MCU: variants seen among roughly 807,000 people sequenced by gnomAD.
The protein encoded by MCU is calcium uniporter protein, mitochondrial.
MCU carries 12 observed loss-of-function variants against 45.2 expected under a neutral mutation model. That is an observed-to-expected ratio of 0.27 (90% CI 0.17 to 0.43). MCU has a LOEUF of 0.43. Among genes scored for constraint, MCU ranks in the 20% least tolerant of loss-of-function variants. MCU has a pLI of 1.00. For missense variants in MCU, 324 were observed against 436.7 expected (o/e 0.74, Z 2.30); for synonymous variants, 160 against 165.1 (o/e 0.97, Z 0.24).
At chr10:72,822,585 T>C (rs1844730015) in intron 1 of MCU, among the ~76,000 whole-genome samples, 1 of 152,172 alleles carries the variant, frequency 6.6e-6, no homozygotes, top group East Asian at 1.9e-4. Context: ...TCAGTAAGCA[T>C]ATGAAAAGAT....
chr10:72,756,884 C>G (rs1455829951), intron 1 of MCU: 2 of 151,590 alleles, frequency 1.3e-5, no homozygotes, highest in Non-Finnish European at 2.9e-5. Flanking sequence ...GTAAAAGAAC[C>G]ATGTGAAGCT....
intron 1 of MCU, chr10:72,731,137 C>T (rs572009020): frequency 4.6e-5 from 7 of 152,272 alleles, no homozygotes; most frequent in African/African-American, 1.7e-4. Flanking sequence ...TGTGGTCTCA[C>T]TATATTGCCC....
chr10:72,843,445 G>A (rs1219503007), intron 2 of MCU, among the ~76,000 whole-genome samples: 2 of 152,122 alleles, frequency 1.3e-5, no homozygotes, highest in African/African-American at 4.8e-5. Context: ...CACTTAGTAA[G>A]ATACATTTAA....
chr10:72,767,468 A>G (rs934991475), intron 1 of MCU, among the ~76,000 whole-genome samples: 9 of 152,144 alleles, frequency 5.9e-5, no homozygotes, highest in Admixed American at 2.6e-4. Flanking sequence ...AAATAGGTTC[A>G]TTTCAGCTCT....
intron 2 of MCU, among the ~76,000 whole-genome samples, chr10:72,849,912 T>C (rs1174459734): frequency 1.7e-5 from 2 of 114,906 alleles, no homozygotes; most frequent in African/African-American, 6.2e-5. Context: ...GTATTATCTT[T>C]TTCTTTTTTT....
chr10:72,871,481 C>A lies in MCU; in HGVS notation c.762C>A (p.Thr254=). The A allele has an allele frequency of 6.2e-7, 1 of 1,614,202 alleles. No homozygotes were observed. Among genetic ancestry groups the A allele is most frequent in the Non-Finnish European group, 8.5e-7 (1 of 1,180,032 alleles). The stretch of plus-strand genomic sequence containing the variant: ...AGTTTGGCATTTTGGCCCGGCTTAC[C>A]TGGTGGGAATATTCCTGGGACATCA... The part of the protein sequence containing the change: ...ATQFGILARL[T]WWEYSWDIME... The change falls in exon 6 of 8, where the codon ACC becomes ACA. Residue 254 remains threonine (T), a synonymous_variant. Coordinates refer to ENST00000373053, the MANE Select transcript of MCU (RefSeq NM_138357.3).
chr10:72,808,832 C>T (rs945967761), intron 1 of MCU, among the ~76,000 whole-genome samples: 1 of 152,088 alleles, frequency 6.6e-6, no homozygotes, highest in East Asian at 1.9e-4. Flanking sequence ...AGCCAGATCT[C>T]GTGAGAACTC....
intron 7 of MCU, 141 bp downstream of exon 7, chr10:72,884,523 A>T (rs1283968669): frequency 3.4e-6 from 2 of 583,728 alleles, no homozygotes; most frequent in African/African-American, 1.9e-5. Context: ...TCCTCAGTTG[A>T]TTACAGTAAC....
At chr10:72,842,808 T>C (rs963965517) in intron 2 of MCU, among the ~76,000 whole-genome samples, 29 of 150,776 alleles carry the variant, frequency 1.9e-4, no homozygotes, top group African/African-American at 7.0e-4. Context: ...AATAATTGCA[T>C]TGGAATAAAA....
intron 1 of MCU, among the ~76,000 whole-genome samples, chr10:72,804,825 G>T (rs1844405672): frequency 6.6e-6 from 1 of 152,244 alleles, no homozygotes; most frequent in Non-Finnish European, 1.5e-5. Context: ...TTGGCTGTGT[G>T]CAGTGGTGTG....
intron 1 of MCU, among the ~76,000 whole-genome samples, chr10:72,788,639 C>A (rs1844112993): frequency 6.6e-6 from 1 of 152,096 alleles, no homozygotes; most frequent in Non-Finnish European, 1.5e-5. Flanking sequence ...GAGACCCTGT[C>A]TAAAAAAACA....
intron 1 of MCU, among the ~76,000 whole-genome samples, chr10:72,743,306 G>A (rs536950202): frequency 2.6e-5 from 4 of 151,442 alleles, no homozygotes; most frequent in East Asian, 1.9e-4. Flanking sequence ...CCAGCTACTC[G>A]GGAGGCTGAG....
At chr10:72,843,036 C>G (rs1172848519) in intron 2 of MCU, among the ~76,000 whole-genome samples, 5 of 151,990 alleles carry the variant, frequency 3.3e-5, no homozygotes, top group Admixed American at 1.3e-4. Flanking sequence ...GTTCACATCC[C>G]AAATGAGAGA....
rs2132722731 is a variant in MCU, at chr10:72,760,974, A to G, written c.150+68673A>G. ...AGAAGCTTTTAAATTATGTCCTGAT[A>G]CCTTCTGTTTCTTCTAGTTGTACTG... On this transcript the variant is annotated intron_variant, in intron 1 of 7. Transcript: ENST00000373053. 1.3e-5 allele frequency among the ~76,000 whole-genome samples: 2 copies of G among 152,216 alleles called. 1 individual carries two copies.
At chr10:72,818,638 G>A (rs935373887) in intron 1 of MCU, among the ~76,000 whole-genome samples, 5 of 151,996 alleles carry the variant, frequency 3.3e-5, no homozygotes, top group African/African-American at 1.2e-4. Context: ...TCAGGAGTTC[G>A]AGACCAGCCT....
At chr10:72,780,552 T>TGTGTGTG (rs770728826) in intron 1 of MCU, among the ~76,000 whole-genome samples, 11 of 20,314 alleles carry the variant, frequency 5.4e-4, no homozygotes, top group South Asian at 2.6e-3. Flanking sequence ...GTGTGTGTGT[T>TGTGTGTG]GGGTGAATTT....
intron 4 of MCU, chr10:72,861,718 A>T (rs1429712726): frequency 5.4e-6 from 2 of 367,764 alleles, no homozygotes; most frequent in Non-Finnish European, 1.0e-5. Flanking sequence ...AATGGTTTTG[A>T]ACTCCTGACC....
intron 1 of MCU, chr10:72,736,574 A>G (rs1232668028): frequency 6.6e-6 from 1 of 152,200 alleles, no homozygotes; most frequent in African/African-American, 2.4e-5. Context: ...CATCCTGGGT[A>G]TGTTTAGGAT....
intron 1 of MCU, among the ~76,000 whole-genome samples, chr10:72,806,462 A>T (rs1844453235): frequency 6.6e-6 from 1 of 152,288 alleles, no homozygotes; most frequent in Admixed American, 6.5e-5. Flanking sequence ...GCCCGGCATG[A>T]AGAGCTTTAA....
Sources: allele counts gnomAD v4.1 joint callset (sites outside exome capture counted in the v4.1 genomes callset), GRCh38; gene constraint gnomAD v4.1.1; transcripts MANE v1.5; gene names NCBI Gene and HGNC (gene_info 2026-07-23, HGNC 2026-07-21).